The following NME7 variants were observed in gnomAD, a reference collection of about 807,000 sequenced individuals.
The protein encoded by NME7 is nucleoside diphosphate kinase 7.
A neutral mutation model predicts 49.1 loss-of-function variants in NME7; 41 were observed. That is an observed-to-expected ratio of 0.83 (90% CI 0.65 to 1.08). NME7 has a LOEUF of 1.08. NME7 is among the 50% of genes least tolerant of loss of function. The probability of loss-of-function intolerance (pLI) is 0.00; values close to 1 mark genes in which losing one functional copy is unlikely to be tolerated. For missense variants in NME7, 423 were observed against 463.4 expected, an observed-to-expected ratio of 0.91 and a Z score of 0.80; for synonymous variants, 139 against 150.6, an observed-to-expected ratio of 0.92 and a Z score of 0.56.
At chr1:169,181,993 T>C (rs1275604206) in intron 10 of NME7, among the ~76,000 whole-genome samples, 2 of 152,156 alleles carry the variant, frequency 1.3e-5, no homozygotes, top group African/African-American at 4.8e-5. Context: ...CATTCACTAC[T>C]ATCATATATC....
At chr1:169,155,778 T>C (rs929341717) in intron 11 of NME7, among the ~76,000 whole-genome samples, 54 of 133,710 alleles carry the variant, frequency 4.0e-4, no homozygotes, top group Admixed American at 1.1e-3. Flanking sequence ...TTTTTTTTTT[T>C]GAAATGTTCC....
intron 2 of NME7, 90 bp from the exon 3 acceptor site, chr1:169,323,373 A>T: frequency 9.5e-7 from 1 of 1,047,370 alleles, no homozygotes; most frequent in African/African-American, 1.6e-5. Context: ...ATAATTCTTA[A>T]TTCTGTCTTA....
intron 1 of NME7, among the ~76,000 whole-genome samples, chr1:169,338,048 A>G (rs529920092): frequency 1.3e-5 from 2 of 152,204 alleles, no homozygotes; most frequent in African/African-American, 4.8e-5. Context: ...TAATTTGTCA[A>G]CTCCAACTTA....
intron 10 of NME7, among the ~76,000 whole-genome samples, chr1:169,230,070 A>G (rs1647535010): frequency 1.3e-5 from 2 of 152,194 alleles, no homozygotes; most frequent in East Asian, 3.8e-4. Context: ...TACAGGAAAC[A>G]GTACATTTAC....
In NME7 at chr1:169,355,102, G is replaced by T. The variant is rs1338278524; in HGVS notation, c.3+12606C>A. ...AATATATAATATACTATATATTATA[G>T]ATATAATATATAATATACTATATAT... is the stretch of plus-strand genomic sequence containing the variant. On this transcript the variant is annotated intron_variant, in intron 1 of 11. Transcript: ENST00000367811. Among the ~76,000 whole-genome samples the T allele has an allele frequency of 1.8e-4, 8 of 44,132 alleles. 1 individual carries two copies. The highest frequency in any genetic ancestry group is 1.8e-3 in the East Asian group (2 of 1,082). 29.0% of individuals were successfully genotyped at this position (44,132 alleles called of 152,430 possible).
At chr1:169,349,568 A>T (rs888896537) in intron 1 of NME7, among the ~76,000 whole-genome samples, 4 of 152,192 alleles carry the variant, frequency 2.6e-5, no homozygotes, top group Admixed American at 1.3e-4. Flanking sequence ...ACAATAATTT[A>T]AAAAATGCTA....
At chr1:169,162,499 A>G (rs977820702) in intron 11 of NME7, among the ~76,000 whole-genome samples, 39 of 152,126 alleles carry the variant, frequency 2.6e-4, no homozygotes, top group African/African-American at 8.4e-4. Flanking sequence ...TAAGAGCCAC[A>G]TGTATTCTGT....
At chr1:169,363,944 C>T (rs1209442233) in intron 1 of NME7, among the ~76,000 whole-genome samples, 2 of 152,162 alleles carry the variant, frequency 1.3e-5, no homozygotes, top group Non-Finnish European at 2.9e-5. Context: ...AAACCAAAAA[C>T]AGTATTGAGC....
rs550078282 is a variant in NME7, at chr1:169,185,862, A to G, written c.991-16308T>C. ...GTGAATGTCTCTTCCTAGAGTTGAT[A>G]AATACATTAGAATTAGAGATTGTGT... is the stretch of plus-strand genomic sequence containing the variant. On this transcript the variant is annotated intron_variant, in intron 10 of 11. Coordinates refer to ENST00000367811, the MANE Select transcript of NME7 (RefSeq NM_013330.5). Among the ~76,000 whole-genome samples the G allele has an allele frequency of 7.2e-5, 11 of 152,226 alleles. No individual in the cohort carries two copies. The East Asian group carries it at 2.1e-3, about 29-fold the overall frequency.
chr1:169,342,787 GTA>G (rs1180670184), intron 1 of NME7, among the ~76,000 whole-genome samples: 5 of 33,088 alleles, frequency 1.5e-4, no homozygotes, highest in Admixed American at 9.8e-4. Flanking sequence ...TATATATATA[GTA>G]TATATATATA....
At chr1:169,183,195 G>A (rs1659973531) in intron 10 of NME7, among the ~76,000 whole-genome samples, 1 of 152,202 alleles carries the variant, frequency 6.6e-6, no homozygotes, top group African/African-American at 2.4e-5. Context: ...ATAAGTGCAT[G>A]CTCATAAATG....
At chr1:169,221,334 T>C (rs6688038) in intron 10 of NME7, among the ~76,000 whole-genome samples, 57,260 of 151,914 alleles carry the variant, frequency 0.38, 11,500 homozygotes, top group East Asian at 0.79. Context: ...CAATAACTTA[T>C]GGTCCCAGTT....
In NME7 at chr1:169,132,817, C is replaced by T; in HGVS notation, c.1099G>A (p.Val367Ile). The T allele has an allele frequency of 1.2e-6, 2 of 1,612,946 alleles. No individual in the cohort carries two copies. Among genetic ancestry groups the T allele is most frequent in the Non-Finnish European group, 8.5e-7 (1 of 1,179,500 alleles). Residue 367 changes from valine (V) to isoleucine (I), a missense_variant and splice_region_variant, in exon 12 of 12, where the codon GTT (valine) becomes ATT (isoleucine). By Grantham distance (29) the Val-to-Ile change is conservative. Coordinates refer to ENST00000367811, the MANE Select transcript of NME7 (RefSeq NM_013330.5). ...TDLPEDGLLE[V>I]QYFFKILDN The stretch of plus-strand genomic sequence containing the variant: ...TCCAAGATCTTGAAGAAGTATTGAA[C>T]CTGAAACGGAGAAACACATAATTTC...
chr1:169,156,220 G>A (rs569709467), intron 11 of NME7, among the ~76,000 whole-genome samples: 3 of 151,906 alleles, frequency 2.0e-5, no homozygotes, highest in Non-Finnish European at 2.9e-5. Context: ...GGCTGAGGAG[G>A]GATCACTTGA....
intron 4 of NME7, among the ~76,000 whole-genome samples, chr1:169,303,984 A>G (rs1651077726): frequency 1.3e-5 from 2 of 152,218 alleles, no homozygotes; most frequent in Non-Finnish European, 2.9e-5. Context: ...TCCAAAGGAA[A>G]GACTACAGTC....
intron 10 of NME7, among the ~76,000 whole-genome samples, chr1:169,183,859 T>C (rs1659996991): frequency 6.6e-6 from 1 of 152,154 alleles, no homozygotes; most frequent in South Asian, 2.1e-4. Flanking sequence ...TGTATTATCC[T>C]ATTAATGAGA....
At chr1:169,174,856 G>C (rs1659707279) in intron 10 of NME7, among the ~76,000 whole-genome samples, 1 of 151,976 alleles carries the variant, frequency 6.6e-6, no homozygotes, top group Non-Finnish European at 1.5e-5. Context: ...TGAGTGTGAG[G>C]GCCTAGGACA....
At position 169,188,624 on chromosome 1, in the gene NME7, C is replaced by T. The variant is rs553610319; in HGVS notation, c.991-19070G>A. 1.1e-4 allele frequency among the ~76,000 whole-genome samples: 16 copies of T among 152,288 alleles called. No homozygotes were observed. The East Asian group carries it at 3.1e-3, about 29-fold the overall frequency. ...TCCAGCTATTTTTCAGAAAGTTTAA[C>T]TCTGAACCTATTGTCATTCGGTATT... On this transcript the variant is annotated intron_variant, in intron 10 of 11. Coordinates refer to ENST00000367811, the MANE Select transcript of NME7 (RefSeq NM_013330.5).
intron 7 of NME7, among the ~76,000 whole-genome samples, chr1:169,280,250 A>G (rs12751571): frequency 0.25 from 37,159 of 151,568 alleles, 5,486 homozygotes; most frequent in Non-Finnish European, 0.34. Context: ...TGTTGGCTGC[A>G]CTTCTTTTGA....
Sources: gnomAD v4.1 joint callset for allele counts (sites outside exome capture counted in the v4.1 genomes callset) on GRCh38, gnomAD v4.1.1 for gene constraint, MANE v1.5 for transcripts, NCBI Gene and HGNC (gene_info 2026-07-23, HGNC 2026-07-21) for gene names.